Variants in NAV1 observed in about 807,000 individuals in gnomAD.
NAV1 encodes the protein neuron navigator 1.
A neutral mutation model predicts 175.2 loss-of-function variants in NAV1; 18 were observed. That is an observed-to-expected ratio of 0.10 (90% CI 0.07 to 0.15). The LOEUF (loss-of-function observed/expected upper bound fraction) is 0.15, where lower values mean the gene tolerates loss of function less well. Among genes scored for constraint, NAV1 ranks in the 10% least tolerant of loss-of-function variants. NAV1 has a pLI of 1.00. For missense variants in NAV1, 1,731 were observed against 2,436.6 expected (o/e 0.71, Z 6.10); for synonymous variants, 897 against 978.7 (o/e 0.92, Z 1.56).
chr1:201,594,672 T>C (rs542328602), intron 2 of NAV1, among the ~76,000 whole-genome samples: 1 of 152,284 alleles, frequency 6.6e-6, no homozygotes, highest in African/African-American at 2.4e-5. Context: ...CTGTGATACA[T>C]GGGTCGTGAG....
chr1:201,794,694 G>C, intron 15 of NAV1, 117 bp downstream of exon 19: 1 of 917,104 alleles, frequency 1.1e-6, no homozygotes, highest in Non-Finnish European at 1.7e-6. Context: ...AGAAGGTGAG[G>C]GCCTTTAGAT....
chr1:201,758,922 T>C (rs775096185), intron 3 of NAV1, among the ~76,000 whole-genome samples: 3 of 152,240 alleles, frequency 2.0e-5, no homozygotes, highest in Non-Finnish European at 4.4e-5. Flanking sequence ...CTGTGGGCCC[T>C]TGGGCATGTA....
At chr1:201,571,080 C>G (rs959513269) in intron 1 of NAV1, among the ~76,000 whole-genome samples, 2 of 152,220 alleles carry the variant, frequency 1.3e-5, no homozygotes, top group Admixed American at 6.5e-5. Flanking sequence ...GTCTGGTGGC[C>G]ATTGATTTTG....
chr1:201,790,419 G>A, intron 11 of NAV1, 135 bp from the exon 16 acceptor site: 2 of 949,278 alleles, frequency 2.1e-6, no homozygotes, highest in Non-Finnish European at 3.3e-6. Flanking sequence ...CAGGAAACAA[G>A]AGTTTCAGCC....
chr1:201,721,347 A>G (rs952907525), intron 3 of NAV1, among the ~76,000 whole-genome samples: 6 of 152,250 alleles, frequency 3.9e-5, no homozygotes, highest in African/African-American at 1.4e-4. Flanking sequence ...GCCATCTGAG[A>G]AGTCAGAGTT....
At chr1:201,607,277 A>C (rs538181165) in intron 2 of NAV1, among the ~76,000 whole-genome samples, 1 of 151,776 alleles carries the variant, frequency 6.6e-6, no homozygotes, top group African/African-American at 2.4e-5. Context: ...CACCACACCC[A>C]GCTAATTTTT....
exon 5 of NAV1, chr1:201,781,223 C>G (rs745697402): frequency 6.2e-7 from 1 of 1,614,054 alleles, no homozygotes; most frequent in South Asian, 1.1e-5. Flanking sequence ...CTGGGCCACC[C>G]TGGTTCCCTG....
chr1:201,596,849 G>A (rs1314846002), intron 2 of NAV1, among the ~76,000 whole-genome samples: 1 of 151,996 alleles, frequency 6.6e-6, no homozygotes, highest in Non-Finnish European at 1.5e-5. Context: ...TTCTGAGATG[G>A]AGTTTTGCTC....
At chr1:201,621,193 T>G (rs1299255184), upstream of NAV1, among the ~76,000 whole-genome samples, 1 of 152,170 alleles carries the variant, frequency 6.6e-6, no homozygotes, top group Non-Finnish European at 1.5e-5. Context: ...GTGCTAGGAT[T>G]ACTGGTGTGA....
intron 1 of NAV1, among the ~76,000 whole-genome samples, chr1:201,579,480 C>T (rs1476970373): frequency 6.6e-6 from 1 of 152,080 alleles, no homozygotes; most frequent in African/African-American, 2.4e-5. Context: ...CTCAGCCTCC[C>T]GAGTAGCTGG....
chr1:201,634,773 C>G (rs1375313298), intron 2 of NAV1, among the ~76,000 whole-genome samples: 1 of 152,110 alleles, frequency 6.6e-6, no homozygotes, highest in Non-Finnish European at 1.5e-5. Flanking sequence ...CAGCTTGGAG[C>G]CTCTTTTCCC....
intron 2 of NAV1, among the ~76,000 whole-genome samples, chr1:201,635,921 C>T (rs1165450289): frequency 6.6e-6 from 1 of 152,248 alleles, no homozygotes; most frequent in Non-Finnish European, 1.5e-5. Flanking sequence ...GCTCAGACTG[C>T]TCCATACAGC....
intron 17 of NAV1, among the ~76,000 whole-genome samples, chr1:201,806,458 C>T (rs1220242807): frequency 2.0e-5 from 3 of 152,176 alleles, no homozygotes; most frequent in African/African-American, 4.8e-5. Flanking sequence ...TACTGAACTA[C>T]ACATATTCTC....
At position 201,784,447 on chromosome 1, in the gene NAV1, C is replaced by T. The variant is rs1196044458; in HGVS notation, c.2804+595C>T. Reference sequence around the variant, plus strand: ...TGCTGGGATTACAGGCATGAGCCACCACACCTGGCTGCCCAGAATCTTTTC... The same window carrying T: ...TGCTGGGATTACAGGCATGAGCCACTACACCTGGCTGCCCAGAATCTTTTC... On this transcript the variant is annotated intron_variant, in intron 7 of 29. Coordinates refer to ENST00000367296, the Ensembl canonical transcript of NAV1. Among the ~76,000 whole-genome samples, 3 of 152,076 alleles carry T rather than the reference C, an allele frequency of 2.0e-5. 1 individual carries two copies. Among genetic ancestry groups the T allele is most frequent in the Non-Finnish European group, 4.4e-5 (3 of 67,994 alleles).
At chr1:201,669,623 T>A (rs1430570643) in intron 1 of NAV1, among the ~76,000 whole-genome samples, 4 of 152,194 alleles carry the variant, frequency 2.6e-5, no homozygotes, top group Admixed American at 2.6e-4. Flanking sequence ...TTTTCCAAAG[T>A]CACTGAGGCT....
intron 1 of NAV1, among the ~76,000 whole-genome samples, 136 bp from the exon 2 acceptor site, chr1:201,588,403 A>G (rs1228632608): frequency 6.6e-6 from 1 of 152,226 alleles, no homozygotes; most frequent in Non-Finnish European, 1.5e-5. Flanking sequence ...GCTGGAGTGC[A>G]GTGACACAAT....
At chr1:201,582,146 G>A (rs1183707749) in intron 1 of NAV1, among the ~76,000 whole-genome samples, 1 of 152,208 alleles carries the variant, frequency 6.6e-6, no homozygotes, top group African/African-American at 2.4e-5. Context: ...CAAGTGGTCA[G>A]CAAAAGAGGA....
At chr1:201,769,788 T>C (rs1383741279) in intron 3 of NAV1, among the ~76,000 whole-genome samples, 3 of 152,210 alleles carry the variant, frequency 2.0e-5, no homozygotes, top group Non-Finnish European at 4.4e-5. Flanking sequence ...TCTCAGCTGT[T>C]AAAACCAGCC....
intron 1 of NAV1, among the ~76,000 whole-genome samples, chr1:201,675,218 C>T (rs1571877564): frequency 2.0e-5 from 3 of 152,152 alleles, no homozygotes; most frequent in South Asian, 4.1e-4. Flanking sequence ...CCATGTCACA[C>T]CAACATGTCC....
Sources: allele counts gnomAD v4.1 joint callset (sites outside exome capture counted in the v4.1 genomes callset), GRCh38; gene constraint gnomAD v4.1.1; transcripts MANE v1.5; gene names NCBI Gene and HGNC (gene_info 2026-07-23, HGNC 2026-07-21).